ENTHD1: variants seen among roughly 807,000 people sequenced by gnomAD.
The protein encoded by ENTHD1 is ENTH domain containing 1.
In ENTHD1, 23 loss-of-function variants were observed where a neutral mutation model predicts 39.1. The ratio of observed to expected loss-of-function variants is 0.59; its 90% CI spans 0.42 to 0.83. The LOEUF (loss-of-function observed/expected upper bound fraction) is 0.83, where lower values mean the gene tolerates loss of function less well. ENTHD1 is among the 40% of genes least tolerant of loss of function. ENTHD1 has a pLI of 0.00. For synonymous variants in ENTHD1, 230 were observed against 258.2 expected, an observed-to-expected ratio of 0.89 and a Z score of 1.05; for missense variants, 624 against 705.4, an observed-to-expected ratio of 0.88 and a Z score of 1.31.
chr22:39,752,051 A>ATT (rs2065151559), intron 6 of ENTHD1, among the ~76,000 whole-genome samples: 1 of 151,956 alleles, frequency 6.6e-6, no homozygotes, highest in African/African-American at 2.4e-5. Flanking sequence ...AGAAAGCTTT[A>ATT]TTTCTCTCTC....
chr22:39,827,480 C>T (rs1272083398), intron 4 of ENTHD1, among the ~76,000 whole-genome samples: 4 of 151,992 alleles, frequency 2.6e-5, no homozygotes, highest in African/African-American at 9.7e-5. Context: ...ACAAATTGCT[C>T]TTAGGAATTG....
At chr22:39,886,760 T>G (rs2146777018) in intron 2 of ENTHD1, among the ~76,000 whole-genome samples, 1 of 152,290 alleles carries the variant, frequency 6.6e-6, no homozygotes, top group African/African-American at 2.4e-5. Flanking sequence ...CTTTCCCTAC[T>G]GCACCTCCTC....
rs141130359 is a variant in ENTHD1 at position 39,860,660 on chromosome 22, C to A, written c.592+1105G>T. Among the ~76,000 whole-genome samples, 1,278 of 152,286 alleles carry A rather than the reference C, an allele frequency of 8.4e-3. 25 individuals carry two copies. Among genetic ancestry groups the A allele is most frequent in the Admixed American group, 0.046 (699 of 15,300 alleles). ...TAACTTGTGTTGGTATTACTAGTAA[C>A]ATTGTTACATTTTTGCACTTAACTG... On this transcript the variant is annotated intron_variant, in intron 3 of 6. Coordinates refer to ENST00000325157, the MANE Select transcript of ENTHD1 (RefSeq NM_152512.4).
chr22:39,759,816 C>G (rs1253688472), intron 6 of ENTHD1, among the ~76,000 whole-genome samples: 1 of 151,858 alleles, frequency 6.6e-6, no homozygotes, highest in Admixed American at 6.6e-5. Context: ...CTTCAGATTT[C>G]TTCTTTGACT....
At chr22:39,839,292 A>G (rs1372345423) in intron 3 of ENTHD1, among the ~76,000 whole-genome samples, 1 of 152,220 alleles carries the variant, frequency 6.6e-6, no homozygotes, top group Non-Finnish European at 1.5e-5. Flanking sequence ...CTTACAGGAA[A>G]CAGAGAACAA....
chr22:39,806,657 G>A (rs2065642999), intron 5 of ENTHD1, among the ~76,000 whole-genome samples: 1 of 152,214 alleles, frequency 6.6e-6, no homozygotes, highest in Middle Eastern at 3.4e-3. Context: ...AAAAACTACA[G>A]TGGCTTTGGT....
In ENTHD1 at chr22:39,794,443, C is replaced by A. The variant is rs866499905; in HGVS notation, c.832+26550G>T. On this transcript the variant is annotated intron_variant, in intron 5 of 6. Coordinates refer to ENST00000325157, the MANE Select transcript of ENTHD1 (RefSeq NM_152512.4). ...TTCTTTTCCAATTTGGATGCCTTTT[C>A]TTTCTTTCTTTTGGTTGACTGCTTT... Among the ~76,000 whole-genome samples the A allele has an allele frequency of 2.0e-5, 3 of 152,178 alleles. No individual in the cohort carries two copies. In the South Asian group the frequency reaches 6.2e-4, roughly 32 times the overall value.
rs139975279 is a variant in ENTHD1, at chr22:39,802,514, C to T, written c.832+18479G>A. 2.4e-4 allele frequency among the ~76,000 whole-genome samples: 37 copies of T among 152,308 alleles called. 1 individual carries two copies. The East Asian group carries it at 6.4e-3, about 26-fold the overall frequency. On this transcript the variant is annotated intron_variant, in intron 5 of 6. Coordinates refer to ENST00000325157, the MANE Select transcript of ENTHD1 (RefSeq NM_152512.4). Reference sequence around the variant, plus strand: ...GAATGAGGGTCTTATAACCTATTATCACACAAGGTAGGTCAGAGAATTTCT... The same window carrying T: ...GAATGAGGGTCTTATAACCTATTATTACACAAGGTAGGTCAGAGAATTTCT...
At position 39,887,744 on chromosome 22, in the gene ENTHD1, G is replaced by A. The variant is rs766301195; in HGVS notation, c.5C>T (p.Ala2Val). The A allele has an allele frequency of 3.2e-6, 5 of 1,554,742 alleles. No homozygotes were observed. The East Asian group carries it at 6.7e-5, about 21-fold the overall frequency. The part of the protein sequence containing the change: M[A>V]FRRQVKNFVK... ...AAAGTTTTTCACTTGTCTCCTGAAC[G>A]CCATAAGTAATACAAGTTCCAAGGT... is the stretch of plus-strand genomic sequence containing the variant. Residue 2 changes from alanine (A) to valine (V), a missense_variant, in exon 2 of 7, where the codon GCG becomes GTG. Ala to Val is a moderately conservative substitution (Grantham distance 64). Transcript: ENST00000325157.
intron 6 of ENTHD1, among the ~76,000 whole-genome samples, chr22:39,760,213 A>T (rs958841638): frequency 6.6e-6 from 1 of 152,058 alleles, no homozygotes; most frequent in Admixed American, 6.5e-5. Context: ...AGTTCTATCA[A>T]TTGCTGAGAA....
At chr22:39,748,784 C>T (rs2065126946) in intron 6 of ENTHD1, among the ~76,000 whole-genome samples, 1 of 152,170 alleles carries the variant, frequency 6.6e-6, no homozygotes, top group Admixed American at 6.5e-5. Flanking sequence ...TATGCTGTGA[C>T]TAAAAAACCT....
At chr22:39,797,492 T>C (rs1234398418) in intron 5 of ENTHD1, among the ~76,000 whole-genome samples, 4 of 152,204 alleles carry the variant, frequency 2.6e-5, no homozygotes, top group Admixed American at 2.6e-4. Context: ...GTGGTAGCAT[T>C]TGAGTCCTTT....
intron 5 of ENTHD1, among the ~76,000 whole-genome samples, chr22:39,814,377 C>T (rs1356039241): frequency 6.6e-6 from 1 of 151,816 alleles, no homozygotes; most frequent in East Asian, 1.9e-4. Flanking sequence ...GGAGAATCAC[C>T]TGAGCCCAGG....
At chr22:39,793,196 T>A (rs1022079694) in intron 5 of ENTHD1, among the ~76,000 whole-genome samples, 5 of 152,138 alleles carry the variant, frequency 3.3e-5, no homozygotes, top group African/African-American at 1.2e-4. Context: ...ATATTGACTA[T>A]TTTTTTCATA....
At chr22:39,779,491 C>T (rs988413138) in intron 5 of ENTHD1, among the ~76,000 whole-genome samples, 6 of 151,566 alleles carry the variant, frequency 4.0e-5, no homozygotes, top group Non-Finnish European at 7.4e-5. Context: ...TACCATCAGA[C>T]CTGTCTTACA....
intron 5 of ENTHD1, among the ~76,000 whole-genome samples, chr22:39,784,283 G>A (rs1388283623): frequency 4.6e-5 from 7 of 152,090 alleles, no homozygotes; most frequent in African/African-American, 1.2e-4. Flanking sequence ...GGTAACTGGC[G>A]TATACTGTTG....
At chr22:39,846,372 T>C (rs889730571) in intron 3 of ENTHD1, among the ~76,000 whole-genome samples, 3 of 151,846 alleles carry the variant, frequency 2.0e-5, no homozygotes, top group African/African-American at 7.3e-5. Flanking sequence ...AGCTAATTTG[T>C]TTTTTTTCTT....
At chr22:39,791,842 T>G (rs921305805) in intron 5 of ENTHD1, among the ~76,000 whole-genome samples, 6 of 152,218 alleles carry the variant, frequency 3.9e-5, no homozygotes, top group African/African-American at 1.4e-4. Context: ...TATGCTCAGT[T>G]TTTTTGTTTG....
intron 6 of ENTHD1, among the ~76,000 whole-genome samples, chr22:39,763,984 C>T (rs2065255248): frequency 6.6e-6 from 1 of 152,146 alleles, no homozygotes; most frequent in Admixed American, 6.6e-5. Flanking sequence ...GTTGACAAAA[C>T]TGAGAATCAG....
Sources: gnomAD v4.1 joint callset for allele counts (sites outside exome capture counted in the v4.1 genomes callset) on GRCh38, gnomAD v4.1.1 for gene constraint, MANE v1.5 for transcripts, NCBI Gene and HGNC (gene_info 2026-07-23, HGNC 2026-07-21) for gene names.